The following SMAP1 variants were observed in gnomAD, a reference collection of about 807,000 sequenced individuals.
The protein encoded by SMAP1 is stromal membrane-associated protein 1.
SMAP1 carries 24 observed loss-of-function variants against 58.5 expected under a neutral mutation model. The ratio of observed to expected loss-of-function variants is 0.41; its 90% CI spans 0.30 to 0.58. The LOEUF is 0.58. SMAP1 is among the 20% of genes least tolerant of loss of function. SMAP1 has a pLI of 0.29. For missense variants in SMAP1, 563 were observed against 566.3 expected (o/e 0.99, Z 0.06); for synonymous variants, 216 against 196.6 (o/e 1.10, Z -0.82).
intron 4 of SMAP1, among the ~76,000 whole-genome samples, chr6:70,785,105 C>G (rs1013919066): frequency 3.3e-5 from 5 of 152,226 alleles, no homozygotes; most frequent in Admixed American, 2.0e-4. Context: ...CAAACTGTCT[C>G]TCAGACCACA....
At chr6:70,762,027 A>G (rs1204686584) in intron 3 of SMAP1, among the ~76,000 whole-genome samples, 1 of 152,082 alleles carries the variant, frequency 6.6e-6, no homozygotes, top group Non-Finnish European at 1.5e-5. Flanking sequence ...ATAAGTGCCT[A>G]CCTGTACTGG....
intron 1 of SMAP1, among the ~76,000 whole-genome samples, chr6:70,729,538 A>C (rs1765343437): frequency 6.7e-6 from 1 of 149,692 alleles, no homozygotes; most frequent in African/African-American, 2.5e-5. Flanking sequence ...TATATTCTAA[A>C]TCGCCTGCCA....
intron 1 of SMAP1, among the ~76,000 whole-genome samples, chr6:70,689,304 C>T (rs531489708): frequency 5.3e-5 from 8 of 152,246 alleles, no homozygotes; most frequent in Middle Eastern, 3.4e-3. Flanking sequence ...CCACTGTGCC[C>T]GGCCTGAGAA....
chr6:70,806,999 G>A (rs1769162768), intron 6 of SMAP1, among the ~76,000 whole-genome samples: 1 of 152,072 alleles, frequency 6.6e-6, no homozygotes, highest in Non-Finnish European at 1.5e-5. Flanking sequence ...GTTCTTTATT[G>A]CAATTTAAAG....
chr6:70,826,951 A>G (rs956701676), intron 6 of SMAP1, among the ~76,000 whole-genome samples: 1 of 150,942 alleles, frequency 6.6e-6, no homozygotes, highest in South Asian at 2.1e-4. Flanking sequence ...AAAAAAAAAA[A>G]AAAAAAAAAG....
chr6:70,760,269 CTCAG>C (rs1195566995), intron 3 of SMAP1, among the ~76,000 whole-genome samples: 3 of 152,012 alleles, frequency 2.0e-5, no homozygotes, highest in Non-Finnish European at 4.4e-5. Context: ...CTGTTGTTAC[CTCAG>C]TCATTCTTAT....
chr6:70,672,020 T>C (rs1021553701), intron 1 of SMAP1, among the ~76,000 whole-genome samples: 1 of 152,202 alleles, frequency 6.6e-6, no homozygotes, highest in Non-Finnish European at 1.5e-5. Context: ...CTGTCTGATA[T>C]TGAGAGGGTA....
chr6:70,856,996 T>C lies in SMAP1; in HGVS notation c.927T>C (p.Tyr309=), dbSNP rs757968358. 1 of 1,613,898 alleles carries C rather than the reference T, an allele frequency of 6.2e-7. No individual in the cohort carries two copies. Among genetic ancestry groups the C allele is most frequent in the Non-Finnish European group, 8.5e-7 (1 of 1,179,834 alleles). ...QLSKDSILSL[Y]GTGTIQQQST... ...CCAAAGACTCCATCTTATCTCTGTA[T>C]GGCACAGGAACCATTCAACAGCAAA... The change falls in exon 9 of 11, where the codon TAT becomes TAC. Residue 309 remains tyrosine, a synonymous_variant. Transcript: ENST00000370455.
At position 70,765,663 on chromosome 6, in the gene SMAP1, G is replaced by C. The variant is rs540093925; in HGVS notation, c.339-7687G>C. Among the ~76,000 whole-genome samples, 66 of 152,044 alleles carry C rather than the reference G, an allele frequency of 4.3e-4. No homozygotes were observed. The Middle Eastern group carries it at 0.014, about 31-fold the overall frequency. On this transcript the variant is annotated intron_variant, in intron 3 of 10. Transcript: ENST00000370455. The stretch of plus-strand genomic sequence containing the variant: ...TTTCTTACCACATCATTTATTTATT[G>C]TGCATTTGTATGATTGTATACTTGA...
chr6:70,669,839 A>G (rs556716324), intron 1 of SMAP1, among the ~76,000 whole-genome samples: 1 of 152,360 alleles, frequency 6.6e-6, no homozygotes, highest in Non-Finnish European at 1.5e-5. Context: ...TATTAAAAAT[A>G]ATTTAATTTT....
intron 4 of SMAP1, among the ~76,000 whole-genome samples, chr6:70,779,795 G>T (rs1294863653): frequency 6.6e-6 from 1 of 152,180 alleles, no homozygotes; most frequent in Non-Finnish European, 1.5e-5. Context: ...CTCCATTTGA[G>T]AATGTTTTGC....
In SMAP1 at chr6:70,836,954, A is replaced by C. The variant is rs1770613702; in HGVS notation, c.590A>C (p.Asp197Ala). 1 of 1,595,774 alleles carries C rather than the reference A, an allele frequency of 6.3e-7. No homozygotes were observed. The highest frequency in any genetic ancestry group is 8.5e-7 in the Non-Finnish European group (1 of 1,172,356). The change falls in exon 7 of 11, where the codon GAT (aspartate) becomes GCT (alanine). Residue 197 changes from aspartate to alanine, a missense_variant. Transcript: ENST00000370455. Reference sequence around the variant, plus strand: ...TTTACTTTAAAGCTGCAGAAGAAAGATCAGCAACTGGAGCCTAAAAAAAGT... The same window carrying C: ...TTTACTTTAAAGCTGCAGAAGAAAGCTCAGCAACTGGAGCCTAAAAAAAGT... ...PLTAEKLQKK[D>A]QQLEPKKSTS...
At chr6:70,687,983 C>T (rs1447957746) in intron 1 of SMAP1, among the ~76,000 whole-genome samples, 1 of 152,144 alleles carries the variant, frequency 6.6e-6, no homozygotes, top group Non-Finnish European at 1.5e-5. Flanking sequence ...CCATTCCTAA[C>T]CCATAGCATC....
intron 1 of SMAP1, chr6:70,668,791 T>G (rs1766146097): frequency 6.8e-7 from 1 of 1,465,550 alleles, no homozygotes; most frequent in Non-Finnish European, 9.2e-7. Flanking sequence ...TTTAGTCTGG[T>G]TATTAGCCAG....
chr6:70,682,437 C>A (rs1028986341), intron 1 of SMAP1, among the ~76,000 whole-genome samples: 2 of 152,038 alleles, frequency 1.3e-5, no homozygotes, highest in African/African-American at 4.8e-5. Context: ...GATCCACCTG[C>A]CTTGGCCTCC....
chr6:70,698,966 C>T (rs1438606334), intron 1 of SMAP1, among the ~76,000 whole-genome samples: 2 of 152,168 alleles, frequency 1.3e-5, no homozygotes, highest in Non-Finnish European at 2.9e-5. Context: ...TTGTTGATGT[C>T]TGGGCATTGA....
chr6:70,746,916 T>C (rs543152485), intron 2 of SMAP1, among the ~76,000 whole-genome samples: 1 of 152,194 alleles, frequency 6.6e-6, no homozygotes, highest in African/African-American at 2.4e-5. Context: ...AAATAATAAG[T>C]TATTTGGAGA....
chr6:70,799,277 A>G (rs1046243558), intron 6 of SMAP1, among the ~76,000 whole-genome samples: 2 of 152,344 alleles, frequency 1.3e-5, no homozygotes, highest in Non-Finnish European at 2.9e-5. Context: ...CCAGAATGGT[A>G]GATTGAACTC....
chr6:70,762,873 T>C (rs2149898497), intron 3 of SMAP1, among the ~76,000 whole-genome samples: 1 of 152,102 alleles, frequency 6.6e-6, no homozygotes, highest in Non-Finnish European at 1.5e-5. Context: ...GAATTATTTA[T>C]ATAAAATACA....
Sources: allele counts gnomAD v4.1 joint callset (sites outside exome capture counted in the v4.1 genomes callset), GRCh38; gene constraint gnomAD v4.1.1; transcripts MANE v1.5; gene names NCBI Gene and HGNC (gene_info 2026-07-23, HGNC 2026-07-21).